CNKSR3: variants seen among roughly 807,000 people sequenced by gnomAD.
CNKSR3 encodes CNKSR family member 3.
CNKSR3 carries 36 observed loss-of-function variants against 67.7 expected under a neutral mutation model. That is an observed-to-expected ratio of 0.53 (90% CI 0.41 to 0.70). The LOEUF is 0.70. CNKSR3 is among the 30% of genes least tolerant of loss of function. The pLI, the probability that CNKSR3 is intolerant of heterozygous loss-of-function variation, is 0.00. For missense variants in CNKSR3, 630 were observed against 695.2 expected (o/e 0.91, Z 1.05); for synonymous variants, 281 against 271.4 (o/e 1.04, Z -0.35).
At chr6:154,460,440 A>C (rs1289230179) in intron 1 of CNKSR3, among the ~76,000 whole-genome samples, 1 of 152,210 alleles carries the variant, frequency 6.6e-6, no homozygotes, top group African/African-American at 2.4e-5. Flanking sequence ...GCAGACATTA[A>C]AAATGCAAAA....
chr6:154,387,866 T>A lies in CNKSR3; in HGVS notation c.*18488A>T, dbSNP rs923583055. ...ATAAATAACATTGGTCCAGAACTAA[T>A]AAATGAATTTTTACAAGAGCTCTCT... On this transcript the variant is annotated 3_prime_UTR_variant, in exon 13 of 13. Transcript: ENST00000607772. The A allele has an allele frequency of 6.6e-6, 1 of 152,244 alleles. No individual in the cohort carries two copies. The allele number at this position is 152,244 out of a possible 1,614,324, so 9.4% of individuals were successfully genotyped here.
intron 1 of CNKSR3, among the ~76,000 whole-genome samples, chr6:154,482,077 G>A (rs3949447): frequency 0.19 from 28,404 of 152,094 alleles, 3,098 homozygotes; most frequent in East Asian, 0.36. Context: ...ATTCAAAGAA[G>A]TTACCTTGCC....
At position 154,395,804 on chromosome 6, in the gene CNKSR3, G is replaced by A. The variant is rs1210542410; in HGVS notation, c.*10550C>T. On this transcript the variant is annotated 3_prime_UTR_variant, in exon 13 of 13. Coordinates refer to ENST00000607772, the MANE Select transcript of CNKSR3 (RefSeq NM_173515.4). The stretch of plus-strand genomic sequence containing the variant: ...GGCTGGAGTGCAGTGGTGCAATCTG[G>A]GCTTACTGCAGCCTCTACCTCTCAG... 2.0e-5 allele frequency: 3 copies of A among 152,418 alleles called. No individual in the cohort carries two copies. Among genetic ancestry groups the A allele is most frequent in the Admixed American group, 2.0e-4 (3 of 15,268 alleles). The allele number at this position is 152,418 out of a possible 1,614,324, so 9.4% of individuals were successfully genotyped here. A position where few individuals can be genotyped will look rare whatever the true frequency, so the allele number is the denominator to read the frequency against.
intron 2 of CNKSR3, among the ~76,000 whole-genome samples, chr6:154,446,417 T>C (rs747128239): frequency 1.3e-5 from 2 of 152,266 alleles, no homozygotes; most frequent in East Asian, 1.9e-4. Flanking sequence ...CTAAGAAATA[T>C]AGTTCACAAT....
intron 11 of CNKSR3, 133 bp from the exon 12 acceptor site, chr6:154,410,565 A>G: frequency 1.6e-6 from 1 of 632,992 alleles, no homozygotes; most frequent in Non-Finnish European, 2.8e-6. Flanking sequence ...ATTTTAAAAT[A>G]AAAGTATTTT....
At chr6:154,482,457 T>A (rs1610405) in intron 1 of CNKSR3, among the ~76,000 whole-genome samples, 22,309 of 152,180 alleles carry the variant, frequency 0.15, 1,846 homozygotes, top group African/African-American at 0.2. Context: ...TTTTAGATTA[T>A]TTTTTAGATT....
Position 154,410,940 on chromosome 6 carries a change from A to G in CNKSR3, c.1273T>C (p.Ser425Pro). 1.2e-6 allele frequency: 2 copies of G among 1,611,016 alleles called. No homozygotes were observed. The highest frequency in any genetic ancestry group is 1.7e-6 in the Non-Finnish European group (2 of 1,177,998). ...LPTKMREKTPSYGKPRPLSMP... is the reference protein window; with the variant it reads ...LPTKMREKTPPYGKPRPLSMP... ...ACAAACACTTGAAACTTACCATAAG[A>G]TGGTGTTTTCTCTCTCATTTTTGTG... Residue 425 changes from serine to proline, a missense_variant, in exon 11 of 13, where the codon TCT (serine) becomes CCT (proline). By Grantham distance (74) the Ser-to-Pro change is moderately conservative. Around this residue, in one of 3 missense-constraint regions of CNKSR3, gnomAD observed 308 missense variants for 299.6 expected, o/e 1.03. Transcript: ENST00000607772.
chr6:154,509,945 C>T, intron 1 of CNKSR3, 118 bp downstream of exon 1: 2 of 1,092,220 alleles, frequency 1.8e-6, no homozygotes, highest in Non-Finnish European at 2.8e-6. Context: ...GCATTGTCAC[C>T]GGGCTGTGCC....
intron 1 of CNKSR3, among the ~76,000 whole-genome samples, chr6:154,481,361 ATATT>A (rs370359017): frequency 0.018 from 2,781 of 150,598 alleles, 42 homozygotes; most frequent in Non-Finnish European, 0.026. Flanking sequence ...TGCTTATTTG[ATATT>A]TATTTATTTT....
At chr6:154,455,959 T>C (rs1230565319) in intron 1 of CNKSR3, among the ~76,000 whole-genome samples, 2 of 151,856 alleles carry the variant, frequency 1.3e-5, no homozygotes, top group Non-Finnish European at 2.9e-5. Context: ...AAGGATTATA[T>C]ACATGAAGAC....
intron 10 of CNKSR3, among the ~76,000 whole-genome samples, chr6:154,412,398 G>A (rs960051476): frequency 1.3e-5 from 2 of 152,072 alleles, no homozygotes; most frequent in African/African-American, 4.8e-5. Flanking sequence ...CTAGCCCCAG[G>A]TTCCTTTATC....
intron 7 of CNKSR3, among the ~76,000 whole-genome samples, chr6:154,427,682 T>G (rs887753293): frequency 6.6e-6 from 1 of 152,154 alleles, no homozygotes; most frequent in African/African-American, 2.4e-5. Context: ...CCAAATATTA[T>G]GAAACACAAC....
Position 154,391,640 on chromosome 6 carries a change from AT to A in CNKSR3, c.*14713del, listed in dbSNP as rs893277473. 2.0e-5 allele frequency: 3 copies of A among 152,184 alleles called. No individual in the cohort carries two copies. Among genetic ancestry groups the A allele is most frequent in the Non-Finnish European group, 4.4e-5 (3 of 68,020 alleles). The allele number at this position is 152,184 out of a possible 1,614,324, so 9.4% of individuals were successfully genotyped here. On this transcript the variant is annotated 3_prime_UTR_variant, in exon 13 of 13. Transcript: ENST00000607772. ...GAGAGAACGTAATTTAGTTCATGCC[AT>A]TTTGTGTCACTTTGTGTCTTCTTTT...
At chr6:154,420,203 G>C (rs958424761) in intron 9 of CNKSR3, among the ~76,000 whole-genome samples, 1 of 148,208 alleles carries the variant, frequency 6.7e-6, no homozygotes, top group African/African-American at 2.5e-5. Context: ...AATACCACAT[G>C]ATCTCACTTA....
chr6:154,448,700 C>T (rs1785761196), intron 2 of CNKSR3, among the ~76,000 whole-genome samples: 1 of 152,196 alleles, frequency 6.6e-6, no homozygotes, highest in Non-Finnish European at 1.5e-5. Context: ...CATTTATCAA[C>T]TACAAATAAT....
At chr6:154,430,747 C>G (rs778272575) in intron 5 of CNKSR3, among the ~76,000 whole-genome samples, 156 bp from the exon 6 acceptor site, 12 of 152,132 alleles carry the variant, frequency 7.9e-5, no homozygotes, top group Non-Finnish European at 8.8e-5. Flanking sequence ...ATTTAGACTC[C>G]ATGTTTACCA....
At chr6:154,414,840 C>T (rs1398175937) in intron 9 of CNKSR3, 8 of 469,278 alleles carry the variant, frequency 1.7e-5, no homozygotes, top group South Asian at 6.2e-5. Flanking sequence ...TGCCTGTTAC[C>T]CCAGCACTTT....
intron 12 of CNKSR3, among the ~76,000 whole-genome samples, chr6:154,409,087 T>C (rs1402351933): frequency 2.0e-5 from 3 of 152,182 alleles, no homozygotes; most frequent in Non-Finnish European, 4.4e-5. Context: ...GGATCCTGAA[T>C]GGTAGGTACC....
chr6:154,446,994 C>G (rs1402186440), intron 2 of CNKSR3, among the ~76,000 whole-genome samples: 2 of 151,932 alleles, frequency 1.3e-5, no homozygotes, highest in South Asian at 4.2e-4. Context: ...TTAGTAAAGA[C>G]AGTGTTTCAC....
Sources: gnomAD v4.1 joint callset for allele counts (sites outside exome capture counted in the v4.1 genomes callset) on GRCh38, gnomAD v4.1.1 for gene constraint, gnomAD v4.1.1 regional missense constraint, MANE v1.5 for transcripts, NCBI Gene and HGNC (gene_info 2026-07-23, HGNC 2026-07-21) for gene names.